LIFR: variants seen among roughly 807,000 people sequenced by gnomAD.
The protein encoded by LIFR is LIF receptor subunit alpha, also known as leukemia inhibitory factor receptor.
Under a neutral mutation model 122.2 loss-of-function variants are expected in LIFR, and 84 were observed. The ratio of observed to expected loss-of-function variants is 0.69; its 90% CI spans 0.58 to 0.82. The LOEUF is 0.82. LIFR is among the 40% of genes least tolerant of loss of function. The pLI, the probability that LIFR is intolerant of heterozygous loss-of-function variation, is 0.00. For missense variants in LIFR, 1,294 were observed against 1,311.6 expected, an observed-to-expected ratio of 0.99 and a Z score of 0.21; for synonymous variants, 422 against 434.7, an observed-to-expected ratio of 0.97 and a Z score of 0.36.
chr5:38,542,459 C>T (rs1747643007), intron 1 of LIFR, among the ~76,000 whole-genome samples: 1 of 152,118 alleles, frequency 6.6e-6, no homozygotes, highest in Non-Finnish European at 1.5e-5. Context: ...AGAGTCGGGC[C>T]TAGTTGGGGC....
chr5:38,559,259 C>G (rs952181678), upstream of LIFR: 1 of 152,154 alleles, frequency 6.6e-6, no homozygotes, highest in African/African-American at 2.4e-5. Context: ...TGAAGAGTTG[C>G]GGTATACGCA....
chr5:38,604,953 G>T (rs1750295813), intron 2 of LIFR, among the ~76,000 whole-genome samples: 1 of 152,104 alleles, frequency 6.6e-6, no homozygotes, highest in South Asian at 2.1e-4. Context: ...TATTCTGACT[G>T]GTGATTGGTT....
At chr5:38,598,029 A>G (rs918788155), upstream of LIFR, among the ~76,000 whole-genome samples, 1 of 151,930 alleles carries the variant, frequency 6.6e-6, no homozygotes, top group Non-Finnish European at 1.5e-5. Flanking sequence ...ATAATAAGAA[A>G]AAAAAAGGTT....
chr5:38,581,714 C>A (rs1376157694), intron 1 of LIFR, among the ~76,000 whole-genome samples: 1 of 152,172 alleles, frequency 6.6e-6, no homozygotes, highest in East Asian at 1.9e-4. Context: ...GAATTTTGCT[C>A]ATAAGTGACA....
chr5:38,575,172 TAAGTC>T (rs1362990899), intron 1 of LIFR, among the ~76,000 whole-genome samples: 2 of 152,128 alleles, frequency 1.3e-5, no homozygotes, highest in African/African-American at 2.4e-5. Flanking sequence ...TTGGAGGAAA[TAAGTC>T]AAGAACATTC....
chr5:38,482,266 T>C (rs1184315484), intron 19 of LIFR, 48 bp from the exon 20 acceptor site: 59 of 1,557,014 alleles, frequency 3.8e-5, no homozygotes, highest in African/African-American at 5.5e-5. Context: ...CTAAATGCCA[T>C]TGCAATGCTC....
intron 1 of LIFR, among the ~76,000 whole-genome samples, chr5:38,538,092 A>T (rs574680060): frequency 6.6e-6 from 1 of 152,196 alleles, no homozygotes; most frequent in Non-Finnish European, 1.5e-5. Flanking sequence ...TTCAGTGTAC[A>T]GTTGAGTCAA....
rs2112392589 is a variant in LIFR, at chr5:38,489,085, T to C, written c.2328A>G (p.Leu776=). The C allele has an allele frequency of 3.1e-6, 5 of 1,612,580 alleles. No homozygotes were observed. Among genetic ancestry groups the C allele is most frequent in the Non-Finnish European group, 4.2e-6 (5 of 1,178,822 alleles). Reference sequence around the variant, plus strand: ...TGCTATCAATTTACTCACCTGATTCTAAAACCCTCATCTTAGATGTGTCTC... The same window carrying C: ...TGCTATCAATTTACTCACCTGATTCCAAAACCCTCATCTTAGATGTGTCTC... ...GERDTSKMRV[L]ESGRSDIKVK... is the part of the protein sequence containing the mutation. The change falls in exon 16 of 20, where the codon TTA becomes TTG. Residue 776 remains leucine, a synonymous_variant. Coordinates refer to ENST00000453190, the MANE Select transcript of LIFR (RefSeq NM_001127671.2).
chr5:38,503,887 G>A, intron 10 of LIFR, 89 bp downstream of exon 10: 1 of 903,614 alleles, frequency 1.1e-6, no homozygotes, highest in Non-Finnish European at 1.8e-6. Context: ...TAAATAATCT[G>A]AGAGCTTAAG....
At chr5:38,486,124 G>T in intron 16 of LIFR, 144 bp from the exon 17 acceptor site, 1 of 737,860 alleles carries the variant, frequency 1.4e-6, no homozygotes, top group Non-Finnish European at 2.4e-6. Context: ...CCACTACCTT[G>T]TTCAAGCTCT....
At chr5:38,608,110 G>T (rs1750368710) in intron 1 of LIFR, 1 of 152,042 alleles carries the variant, frequency 6.6e-6, no homozygotes, top group Non-Finnish European at 1.5e-5. Context: ...ATGGGGAAAA[G>T]GAGGTAGAGA....
intron 2 of LIFR, among the ~76,000 whole-genome samples, chr5:38,601,692 C>T (rs930028420): frequency 6.6e-6 from 1 of 152,202 alleles, no homozygotes. Flanking sequence ...GGGTTCTGCA[C>T]TTGGCTCACA....
At chr5:38,579,928 G>A (rs1406802861) in intron 1 of LIFR, among the ~76,000 whole-genome samples, 4 of 152,132 alleles carry the variant, frequency 2.6e-5, no homozygotes, top group Non-Finnish European at 5.9e-5. Context: ...CATAAGAGGT[G>A]ACTCTAATAA....
Position 38,530,424 on chromosome 5 carries a change from A to C in LIFR, c.142+82T>G, listed in dbSNP as rs1454235766. On this transcript the variant is annotated intron_variant, in intron 2 of 19. Transcript: ENST00000453190. ...TAACCAACAAAATCCTAAAGGGGTC[A>C]ATAAAGCAACAAAATTGCTTCGTCA... is the stretch of plus-strand genomic sequence containing the variant. The C allele has an allele frequency of 8.2e-6, 10 of 1,212,892 alleles. No individual in the cohort carries two copies. In the East Asian group the frequency reaches 2.3e-4, roughly 28 times the overall value. 75.1% of individuals were successfully genotyped at this position (1,212,892 alleles called of 1,614,324 possible). A position where few individuals can be genotyped will look rare whatever the true frequency, so the allele number is the denominator to read the frequency against.
intron 3 of LIFR, among the ~76,000 whole-genome samples, chr5:38,527,717 T>G (rs539608617): frequency 1.3e-5 from 2 of 152,188 alleles, no homozygotes; most frequent in Non-Finnish European, 2.9e-5. Flanking sequence ...CTCCTCTGCC[T>G]TGGCTCATGG....
At chr5:38,511,393 T>C (rs774378218) in intron 6 of LIFR, among the ~76,000 whole-genome samples, 1 of 152,144 alleles carries the variant, frequency 6.6e-6, no homozygotes, top group Non-Finnish European at 1.5e-5. Context: ...TTTGGTATGC[T>C]TGCAGATCCC....
Position 38,511,755 on chromosome 5 carries a change from C to T in LIFR, c.736+35G>A, listed in dbSNP as rs1219993389. ...ACTCTTAAGTGAGACTAATTTAATT[C>T]ATCTGAAACAAACATTCTTTAAATA... is the stretch of plus-strand genomic sequence containing the variant. On this transcript the variant is annotated intron_variant, in intron 6 of 19. Coordinates refer to ENST00000453190, the MANE Select transcript of LIFR (RefSeq NM_001127671.2). 1.9e-6 allele frequency: 3 copies of T among 1,593,436 alleles called. No homozygotes were observed. The Admixed American group carries it at 5.0e-5, about 27-fold the overall frequency.
At chr5:38,518,050 T>G (rs1405260816) in intron 5 of LIFR, among the ~76,000 whole-genome samples, 1 of 151,052 alleles carries the variant, frequency 6.6e-6, no homozygotes, top group Non-Finnish European at 1.5e-5. Context: ...AGTTTGAGGC[T>G]GCAGTCAGCT....
rs779440394 is a variant in LIFR at position 38,493,671 on chromosome 5, G to A, written c.2000C>T (p.Ser667Leu). The A allele has an allele frequency of 2.5e-6, 4 of 1,614,124 alleles. No homozygotes were observed. The highest frequency in any genetic ancestry group is 2.2e-5 in the South Asian group (2 of 91,066). The change falls in exon 14 of 20, where the codon TCG (serine) becomes TTG (leucine). Residue 667 changes from serine (S) to leucine (L), a missense_variant. By Grantham distance (145) the Ser-to-Leu change is moderately radical. Coordinates refer to ENST00000453190, the MANE Select transcript of LIFR (RefSeq NM_001127671.2). The stretch of plus-strand genomic sequence containing the variant: ...TCTCCAGTCCATAAGGCATGGTTCC[G>A]ACCGAGACGAGTTACACCACTTAAT... The part of the protein sequence containing the change: ...YVIKWCNSSR[S>L]EPCLMDWRKV...
Sources: gnomAD v4.1 joint callset for allele counts (sites outside exome capture counted in the v4.1 genomes callset) on GRCh38, gnomAD v4.1.1 for gene constraint, MANE v1.5 for transcripts, NCBI Gene and HGNC (gene_info 2026-07-23, HGNC 2026-07-21) for gene names.